The following HPSE2 variants were observed in gnomAD, a reference collection of about 807,000 sequenced individuals.
The protein encoded by HPSE2 is inactive heparanase-2.
Under a neutral mutation model 60.5 loss-of-function variants are expected in HPSE2, and 38 were observed. The ratio of observed to expected loss-of-function variants is 0.63; its 90% CI spans 0.48 to 0.82. The LOEUF (loss-of-function observed/expected upper bound fraction) is 0.82. Ranked by LOEUF, HPSE2 falls within the 40% of genes least tolerant of loss-of-function variation. The pLI, the probability that HPSE2 is intolerant of heterozygous loss-of-function variation, is 0.00. For missense variants in HPSE2, 713 were observed against 740.4 expected, an observed-to-expected ratio of 0.96 and a Z score of 0.43; for synonymous variants, 295 against 293.2, an observed-to-expected ratio of 1.01 and a Z score of -0.06.
At chr10:99,153,970 G>C (rs1846404609) in intron 2 of HPSE2, among the ~76,000 whole-genome samples, 1 of 152,168 alleles carries the variant, frequency 6.6e-6, no homozygotes, top group Non-Finnish European at 1.5e-5. Flanking sequence ...AGCCTCAGGA[G>C]CTGATGCGAT....
At chr10:98,536,359 A>G (rs1310046128) in intron 9 of HPSE2, among the ~76,000 whole-genome samples, 1 of 152,222 alleles carries the variant, frequency 6.6e-6, no homozygotes, top group African/African-American at 2.4e-5. Flanking sequence ...TTAGTGGGGA[A>G]CCCAAACAAA....
At chr10:98,560,248 C>T (rs1944133024) in intron 9 of HPSE2, among the ~76,000 whole-genome samples, 1 of 152,176 alleles carries the variant, frequency 6.6e-6, no homozygotes, top group Non-Finnish European at 1.5e-5. Context: ...CCAATCAGCA[C>T]AGCAGATCCT....
intron 3 of HPSE2, among the ~76,000 whole-genome samples, chr10:99,042,443 C>A (rs1481491890): frequency 1.3e-5 from 2 of 152,078 alleles, no homozygotes; most frequent in Non-Finnish European, 2.9e-5. Context: ...CTCTGCCATA[C>A]CAACCACTAC....
chr10:98,869,599 T>C (rs1952680132), intron 3 of HPSE2, among the ~76,000 whole-genome samples: 1 of 152,182 alleles, frequency 6.6e-6, no homozygotes, highest in Admixed American at 6.6e-5. Context: ...CTTTCTTCTC[T>C]AATTTGGCTC....
intron 3 of HPSE2, among the ~76,000 whole-genome samples, chr10:98,905,567 T>C (rs1445301286): frequency 2.0e-5 from 3 of 152,120 alleles, no homozygotes; most frequent in Admixed American, 6.6e-5. Flanking sequence ...ATTCAGCCTA[T>C]AGGTATGGAT....
chr10:99,027,480 C>A (rs901541951), intron 3 of HPSE2, among the ~76,000 whole-genome samples: 2 of 152,098 alleles, frequency 1.3e-5, no homozygotes, highest in Admixed American at 6.6e-5. Context: ...AAGTTTCCCA[C>A]TAAAGAAAAG....
intron 5 of HPSE2, among the ~76,000 whole-genome samples, chr10:98,694,380 C>CTAGA (rs1948157022): frequency 6.6e-6 from 1 of 152,176 alleles, no homozygotes; most frequent in Non-Finnish European, 1.5e-5. Context: ...TCAGGCTTTC[C>CTAGA]TAGAGCGAGC....
At chr10:98,704,925 TA>T (rs1948506480) in intron 5 of HPSE2, among the ~76,000 whole-genome samples, 1 of 151,872 alleles carries the variant, frequency 6.6e-6, no homozygotes, top group Non-Finnish European at 1.5e-5. Context: ...CTAATTAAAC[TA>T]AGAGCTTCTG....
rs74375744 is a variant in HPSE2, at chr10:98,461,839, G to A, written c.1614-2100C>T. 5,293 of 1,563,808 alleles carry A rather than the reference G, an allele frequency of 3.4e-3. 156 individuals are homozygous for A. The African/African-American group carries it at 0.064, about 19-fold the overall frequency. On this transcript the variant is annotated intron_variant, in intron 11 of 11. Transcript: ENST00000370552. Reference sequence around the variant, plus strand: ...TGGGTTCTGGGGAGTGCAAAACAACGTGTGATTAGCAAACCTTTAAAAATC... The same window carrying A: ...TGGGTTCTGGGGAGTGCAAAACAACATGTGATTAGCAAACCTTTAAAAATC...
At chr10:99,247,880 C>G in the HPSE2 span, among the ~76,000 whole-genome samples, 1 of 152,220 alleles carries the variant, frequency 6.6e-6, no homozygotes, top group Non-Finnish European at 1.5e-5. Context: ...CCTACCCCTT[C>G]TCTCTCTATC....
At chr10:99,086,526 G>A (rs987686774) in intron 3 of HPSE2, among the ~76,000 whole-genome samples, 8 of 150,610 alleles carry the variant, frequency 5.3e-5, no homozygotes, top group Non-Finnish European at 1.5e-5. Context: ...CTAATTTTTT[G>A]TATTTTTAGT....
At chr10:99,086,598 C>T (rs927488768) in intron 3 of HPSE2, among the ~76,000 whole-genome samples, 8 of 151,610 alleles carry the variant, frequency 5.3e-5, no homozygotes, top group Non-Finnish European at 7.4e-5. Context: ...GTGATCCGCC[C>T]GCCTCGGCCT....
chr10:99,262,774 A>G, the HPSE2 span, among the ~76,000 whole-genome samples: 104 of 152,004 alleles, frequency 6.8e-4, 1 homozygote, highest in African/African-American at 2.5e-3. Context: ...CATGGTGCCA[A>G]ATCCATATAC....
At chr10:99,220,854 C>CTTT (rs1210143115) in intron 2 of HPSE2, among the ~76,000 whole-genome samples, 1 of 88,632 alleles carries the variant, frequency 1.1e-5, no homozygotes, top group African/African-American at 4.5e-5. Flanking sequence ...GAGGCTTTCA[C>CTTT]TTTTTTTTTT....
At chr10:98,872,763 A>G (rs1952768217) in intron 3 of HPSE2, among the ~76,000 whole-genome samples, 1 of 152,102 alleles carries the variant, frequency 6.6e-6, no homozygotes, top group Non-Finnish European at 1.5e-5. Flanking sequence ...AACTACAGCA[A>G]GTTCTAGATA....
chr10:98,538,592 T>TA (rs1943361922), intron 9 of HPSE2, among the ~76,000 whole-genome samples: 1 of 152,034 alleles, frequency 6.6e-6, no homozygotes, highest in Non-Finnish European at 1.5e-5. Context: ...TGGGGAGCTT[T>TA]AAAAAATACT....
the HPSE2 span, among the ~76,000 whole-genome samples, chr10:99,313,592 A>ATTT: frequency 0.63 from 53,278 of 84,596 alleles, 21,809 homozygotes; most frequent in South Asian, 0.8. Flanking sequence ...ACTGACTCCA[A>ATTT]TTTTTTTTTT....
At chr10:99,199,220 T>C (rs1254227418) in intron 2 of HPSE2, among the ~76,000 whole-genome samples, 1 of 152,102 alleles carries the variant, frequency 6.6e-6, no homozygotes, top group Non-Finnish European at 1.5e-5. Context: ...GATCATAAAG[T>C]ATCTTAATTT....
chr10:98,893,633 TAAA>T (rs1953401727), intron 3 of HPSE2, among the ~76,000 whole-genome samples: 1 of 151,832 alleles, frequency 6.6e-6, no homozygotes, highest in African/African-American at 2.4e-5. Context: ...GAATAAAACA[TAAA>T]AATATCTTGT....
Sources: allele counts gnomAD v4.1 joint callset (sites outside exome capture counted in the v4.1 genomes callset), GRCh38; gene constraint gnomAD v4.1.1; transcripts MANE v1.5; gene names NCBI Gene and HGNC (gene_info 2026-07-23, HGNC 2026-07-21).